The following NTRK1 variants were observed in gnomAD, a reference collection of about 807,000 sequenced individuals.
NTRK1 encodes the protein high affinity nerve growth factor receptor.
A neutral mutation model predicts 86.8 loss-of-function variants in NTRK1; 62 were observed. That is an observed-to-expected ratio of 0.71 (90% CI 0.58 to 0.88). The LOEUF is 0.88. Among genes scored for constraint, NTRK1 ranks in the 40% least tolerant of loss-of-function variants. The probability of loss-of-function intolerance (pLI) is 0.00; values close to 1 mark genes in which losing one functional copy is unlikely to be tolerated. For missense variants in NTRK1, 967 were observed against 1,078.4 expected (o/e 0.90, Z 1.45); for synonymous variants, 469 against 456.6 (o/e 1.03, Z -0.35).
At chr1:156,821,110 G>A (rs961509844) in intron 1 of NTRK1, among the ~76,000 whole-genome samples, 2 of 152,128 alleles carry the variant, frequency 1.3e-5, no homozygotes, top group African/African-American at 4.8e-5. Flanking sequence ...TGTTGTAAAA[G>A]GGATTGAGTT....
Position 156,873,682 on chromosome 1 carries a change from C to T in NTRK1, c.900C>T (p.Cys300=), listed in dbSNP as rs1571695813. The change falls in exon 8 of 17, where the codon TGC becomes TGT. Residue 300 remains cysteine, a synonymous_variant. Coordinates refer to ENST00000524377, the MANE Select transcript of NTRK1 (RefSeq NM_002529.4). ...CGGCGGTGGAGATGCACCACTGGTG[C>T]ATCCCCTTCTCTGTGGATGGGCAGC... The part of the protein sequence containing the change: ...LHTAVEMHHW[C]IPFSVDGQPA... The T allele has an allele frequency of 7.5e-6, 12 of 1,610,714 alleles. No individual in the cohort carries two copies. The highest frequency in any genetic ancestry group is 1.0e-5 in the Non-Finnish European group (12 of 1,179,408).
At chr1:156,838,337 C>T (rs1354284511) in intron 1 of NTRK1, among the ~76,000 whole-genome samples, 2 of 151,314 alleles carry the variant, frequency 1.3e-5, no homozygotes, top group African/African-American at 4.9e-5. Context: ...ACATTCCCTT[C>T]TTTTATGCTC....
intron 1 of NTRK1, among the ~76,000 whole-genome samples, chr1:156,823,830 C>T (rs1455962743): frequency 2.6e-5 from 4 of 152,150 alleles, no homozygotes; most frequent in Admixed American, 6.5e-5. Context: ...ATACAGGTGG[C>T]GGAAAGGAAA....
intron 1 of NTRK1, among the ~76,000 whole-genome samples, chr1:156,817,842 C>A (rs1050940982): frequency 6.6e-6 from 1 of 152,050 alleles, no homozygotes; most frequent in Non-Finnish European, 1.5e-5. Flanking sequence ...AGGGTTTCAC[C>A]GTGTTGGCCA....
intron 2 of NTRK1, chr1:156,852,062 C>A: frequency 6.2e-7 from 1 of 1,613,550 alleles, no homozygotes; most frequent in Admixed American, 1.7e-5. Flanking sequence ...CAGGCAGGCA[C>A]CCTGGAAGTA....
At chr1:156,819,834 T>C (rs1654135390) in intron 1 of NTRK1, among the ~76,000 whole-genome samples, 1 of 152,178 alleles carries the variant, frequency 6.6e-6, no homozygotes. Context: ...GTTTTTTTCT[T>C]CCTGATTTGT....
chr1:156,853,318 T>C (rs1472119860), intron 2 of NTRK1, among the ~76,000 whole-genome samples: 1 of 152,164 alleles, frequency 6.6e-6, no homozygotes, highest in Admixed American at 6.5e-5. Context: ...GAGTAACTCA[T>C]TCCTCATGAC....
chr1:156,853,785 A>T (rs572616686), intron 2 of NTRK1: 1 of 1,608,956 alleles, frequency 6.2e-7, no homozygotes, highest in Non-Finnish European at 8.5e-7. Context: ...CAGCATCTGT[A>T]GTCAGTGTGC....
chr1:156,851,225 A>G (rs900875057), intron 2 of NTRK1: 2 of 1,594,290 alleles, frequency 1.3e-6, no homozygotes, highest in Admixed American at 1.7e-5. Context: ...TCTCTTCACC[A>G]CTGTTCTGGG....
At chr1:156,839,323 G>GTGTGGCATGTT (rs1654692261) in intron 1 of NTRK1, among the ~76,000 whole-genome samples, 1 of 152,266 alleles carries the variant, frequency 6.6e-6, no homozygotes, top group African/African-American at 2.4e-5. Flanking sequence ...TGTGGCATGT[G>GTGTGGCATGTT]TGTGGCATGG....
intron 1 of NTRK1, among the ~76,000 whole-genome samples, chr1:156,835,823 G>A (rs143982110): frequency 6.6e-6 from 1 of 152,176 alleles, no homozygotes; most frequent in Non-Finnish European, 1.5e-5. Context: ...CAGCATTAAG[G>A]TCTCTCCCCT....
intron 1 of NTRK1, among the ~76,000 whole-genome samples, 175 bp from the exon 2 acceptor site, chr1:156,864,177 CTG>C (rs1241907556): frequency 1.3e-5 from 2 of 152,030 alleles, no homozygotes; most frequent in African/African-American, 4.8e-5. Flanking sequence ...AGGTGCGTCT[CTG>C]TGCACATGTA....
chr1:156,860,282 G>C (rs1474234980), upstream of NTRK1, among the ~76,000 whole-genome samples: 2 of 152,226 alleles, frequency 1.3e-5, no homozygotes, highest in Non-Finnish European at 2.9e-5. Context: ...GCTTCTCTTG[G>C]AGGCGCGGTC....
intron 6 of NTRK1, among the ~76,000 whole-genome samples, chr1:156,871,311 T>C (rs1558102440): frequency 6.6e-6 from 1 of 152,130 alleles, no homozygotes; most frequent in African/African-American, 2.4e-5. Context: ...TCCCAATACT[T>C]TGGGAGGCCG....
exon 1 of NTRK1, chr1:156,815,825 G>T (rs1800601): frequency 4.3e-6 from 7 of 1,613,730 alleles, no homozygotes; most frequent in Non-Finnish European, 5.9e-6. Context: ...TGGGCAACTC[G>T]GCGCATGAAG....
At chr1:156,833,851 C>A (rs78201460) in intron 1 of NTRK1, among the ~76,000 whole-genome samples, 24 of 152,254 alleles carry the variant, frequency 1.6e-4, no homozygotes, top group African/African-American at 5.8e-4. Flanking sequence ...GCTGGGGTAC[C>A]AGCTGGGCAG....
intron 1 of NTRK1, chr1:156,816,855 G>A: frequency 1.5e-6 from 1 of 656,842 alleles, no homozygotes; most frequent in Non-Finnish European, 2.4e-6. Flanking sequence ...TTCTGGCGAG[G>A]ACTCACGTCA....
intron 10 of NTRK1, 64 bp downstream of exon 10, chr1:156,874,690 G>A (rs1368458412): frequency 3.3e-6 from 5 of 1,513,762 alleles, no homozygotes; most frequent in Non-Finnish European, 2.7e-6. Context: ...AGGCTCATCT[G>A]CATGTCATTT....
chr1:156,857,011 C>T (rs1655427222), upstream of NTRK1, among the ~76,000 whole-genome samples: 1 of 152,270 alleles, frequency 6.6e-6, no homozygotes, highest in African/African-American at 2.4e-5. Context: ...TTATCACAAA[C>T]ACCACATGCC....
Sources: allele counts gnomAD v4.1 joint callset (sites outside exome capture counted in the v4.1 genomes callset), GRCh38; gene constraint gnomAD v4.1.1; transcripts MANE v1.5; gene names NCBI Gene and HGNC (gene_info 2026-07-23, HGNC 2026-07-21).